The following ARHGEF6 variants were observed in gnomAD, a reference collection of about 807,000 sequenced individuals.
The protein encoded by ARHGEF6 is Rac/Cdc42 guanine nucleotide exchange factor 6, also known as rho guanine nucleotide exchange factor 6.
In ARHGEF6, 9 loss-of-function variants were observed where a neutral mutation model predicts 70.3. The ratio of observed to expected loss-of-function variants is 0.13; its 90% CI spans 0.08 to 0.22. The LOEUF (loss-of-function observed/expected upper bound fraction) is 0.22. Among genes scored for constraint, ARHGEF6 ranks in the 10% least tolerant of loss-of-function variants. The pLI is 1.00. For missense variants in ARHGEF6, 470 were observed against 563.0 expected (o/e 0.83, Z 1.67); for synonymous variants, 201 against 207.8 (o/e 0.97, Z 0.28).
chrX:136,749,604 A>G (rs1312388740), intron 2 of ARHGEF6, among the ~76,000 whole-genome samples: 3 of 112,197 alleles, frequency 2.7e-5, no homozygotes, highest in East Asian at 2.8e-4. Flanking sequence ...CAAGTACTTG[A>G]CTGATTTTGA....
At chrX:136,772,668 G>T (rs1298105504) in intron 2 of ARHGEF6, among the ~76,000 whole-genome samples, 2 of 111,886 alleles carry the variant, frequency 1.8e-5, no homozygotes, top group African/African-American at 3.3e-5. Flanking sequence ...GCCAGGAGAG[G>T]CTGGACAATA....
chrX:136,703,186 C>T (rs5974619), intron 9 of ARHGEF6, among the ~76,000 whole-genome samples: 6,367 of 112,012 alleles, frequency 0.057, 464 homozygotes, highest in African/African-American at 0.19. Context: ...TTCTTAGATA[C>T]AACACCAAAA....
Position 136,688,361 on chromosome X carries a change from T to C in ARHGEF6, c.1186-370A>G, listed in dbSNP as rs1226753340. Among the ~76,000 whole-genome samples the C allele has an allele frequency of 4.5e-5, 5 of 111,182 alleles. No homozygotes were observed. In the East Asian group the frequency reaches 1.4e-3, roughly 31 times the overall value. Reference sequence around the variant, plus strand: ...AGGCAAGAGTTCCCACTTCCCTTTTTGCTATTATACTTTGGATAATGATTA... The same window carrying C: ...AGGCAAGAGTTCCCACTTCCCTTTTCGCTATTATACTTTGGATAATGATTA... On this transcript the variant is annotated intron_variant, in intron 10 of 21. Coordinates refer to ENST00000250617, the MANE Select transcript of ARHGEF6 (RefSeq NM_004840.3).
chrX:136,758,031 CTTTTTTTTTTTTTTT>C (rs1164537601), intron 2 of ARHGEF6, among the ~76,000 whole-genome samples: 30 of 14,031 alleles, frequency 2.1e-3, no homozygotes, highest in Non-Finnish European at 3.1e-3. Context: ...AAAATAAATT[CTTTTTTTTTTTTTTT>C]TTTTTTTTTT....
At chrX:136,709,744 C>T (rs2076663995) in intron 7 of ARHGEF6, among the ~76,000 whole-genome samples, 1 of 112,565 alleles carries the variant, frequency 8.9e-6, no homozygotes, top group Non-Finnish European at 1.9e-5. Context: ...GCGGGTGGAT[C>T]ACTTGAACCC....
intron 2 of ARHGEF6, among the ~76,000 whole-genome samples, chrX:136,753,806 G>A (rs190405066): frequency 3.6e-3 from 400 of 111,822 alleles, no homozygotes; most frequent in South Asian, 7.9e-3. Flanking sequence ...CTGTTTACAA[G>A]CTGATTTTTC....
At chrX:136,745,407 C>T (rs1346556409) in intron 3 of ARHGEF6, 60 bp from the exon 4 acceptor site, 10 of 1,168,415 alleles carry the variant, frequency 8.6e-6, no homozygotes, top group Non-Finnish European at 1.2e-5. Flanking sequence ...ACATCTACCG[C>T]ATAACATTAT....
intron 3 of ARHGEF6, 124 bp downstream of exon 3, chrX:136,747,383 TG>T: frequency 1.7e-6 from 1 of 585,817 alleles, no homozygotes; most frequent in Non-Finnish European, 2.9e-6. Context: ...GGGGTGTATT[TG>T]GGGGAGCAAG....
rs1010452246 is a variant in ARHGEF6, at chrX:136,666,866, G to C, written c.*1163C>G. ...ACACAGCTACTAGAGGGGCCCTTTT[G>C]TTCTGGATGTACAAGTTGGACCAGA... On this transcript the variant is annotated 3_prime_UTR_variant, in exon 22 of 22. Transcript: ENST00000250617. The C allele has an allele frequency of 7.1e-5, 8 of 112,140 alleles. No individual in the cohort carries two copies. The Admixed American group carries it at 7.6e-4, about 11-fold the overall frequency. 9.2% of individuals were successfully genotyped at this position (112,140 alleles called of 1,213,427 possible).
At chrX:136,691,799 C>T (rs777084496) in intron 9 of ARHGEF6, among the ~76,000 whole-genome samples, 127 of 111,520 alleles carry the variant, frequency 1.1e-3, no homozygotes, top group African/African-American at 4.0e-3. Context: ...CCATTTTAGC[C>T]TCACTGCTTT....
intron 6 of ARHGEF6, among the ~76,000 whole-genome samples, chrX:136,724,102 C>T (rs1418728080): frequency 2.0e-4 from 20 of 100,618 alleles, no homozygotes; most frequent in African/African-American, 2.9e-4. Context: ...GTTTTTTAGA[C>T]GGAGTCTCAC....
chrX:136,744,108 A>G (rs2077071777), intron 4 of ARHGEF6, among the ~76,000 whole-genome samples: 1 of 111,679 alleles, frequency 9.0e-6, no homozygotes, highest in Non-Finnish European at 1.9e-5. Context: ...GTGATAAGCT[A>G]TTCCACCCTG....
At chrX:136,717,397 A>G (rs1219806119) in intron 6 of ARHGEF6, among the ~76,000 whole-genome samples, 1 of 111,616 alleles carries the variant, frequency 9.0e-6, no homozygotes, top group African/African-American at 3.2e-5. Context: ...AAGACATATC[A>G]AGACTTTTTC....
chrX:136,734,842 T>C (rs1656817706), intron 5 of ARHGEF6, among the ~76,000 whole-genome samples: 1 of 112,137 alleles, frequency 8.9e-6, no homozygotes, highest in African/African-American at 3.2e-5. Flanking sequence ...AATCCATTAA[T>C]GTAACCCATG....
rs776559762 is a variant in ARHGEF6, at chrX:136,779,450, A to T, written c.213T>A (p.Asn71Lys). Residue 71 changes from asparagine to lysine, a missense_variant, in exon 2 of 22, where the codon AAT (asparagine) becomes AAA (lysine). Coordinates refer to ENST00000250617, the MANE Select transcript of ARHGEF6 (RefSeq NM_004840.3). ...QTEADCINNI[N>K]DFLKGCATLQ... Reference sequence around the variant, plus strand: ...GGGTTGCACATCCTTTCAGGAAGTCATTGATGTTGTTGATGCAGTCAGCTT... The same window carrying T: ...GGGTTGCACATCCTTTCAGGAAGTCTTTGATGTTGTTGATGCAGTCAGCTT... 6.6e-6 allele frequency: 8 copies of T among 1,209,694 alleles called. No individual in the cohort carries two copies. In the African/African-American group the frequency reaches 1.4e-4, roughly 21 times the overall value.
At chrX:136,689,102 TA>T (rs777999023) in intron 10 of ARHGEF6, among the ~76,000 whole-genome samples, 2 of 112,458 alleles carry the variant, frequency 1.8e-5, no homozygotes, top group East Asian at 5.6e-4. Context: ...TCATAAAAAG[TA>T]AGGTTGTATT....
intron 6 of ARHGEF6, among the ~76,000 whole-genome samples, chrX:136,723,642 G>A (rs947008536): frequency 1.8e-5 from 2 of 111,804 alleles, no homozygotes; most frequent in Non-Finnish European, 3.8e-5. Context: ...TATTTATTTG[G>A]GCCAGGGGGA....
chrX:136,692,615 T>C (rs1322611351), intron 9 of ARHGEF6, among the ~76,000 whole-genome samples: 1 of 112,342 alleles, frequency 8.9e-6, no homozygotes, highest in East Asian at 2.8e-4. Flanking sequence ...CTAAGAATTG[T>C]ACATGCATTC....
chrX:136,672,169 G>T, intron 19 of ARHGEF6, 50 bp from the exon 20 acceptor site: 2 of 951,363 alleles, frequency 2.1e-6, no homozygotes, highest in South Asian at 1.9e-5. Context: ...TACTAGTGAA[G>T]AGTAGAAATA....
Sources: allele counts gnomAD v4.1 joint callset (sites outside exome capture counted in the v4.1 genomes callset), GRCh38; gene constraint gnomAD v4.1.1; transcripts MANE v1.5; gene names NCBI Gene and HGNC (gene_info 2026-07-23, HGNC 2026-07-21).